NAGPA: variants seen among roughly 807,000 people sequenced by gnomAD.
NAGPA encodes alpha-N-acetylglucosaminyl phosphodiesterase.
A neutral mutation model predicts 48.5 loss-of-function variants in NAGPA; 56 were observed. The ratio of observed to expected loss-of-function variants is 1.15; its 90% CI spans 0.93 to 1.44. NAGPA has a LOEUF of 1.44. Ranked by LOEUF, NAGPA falls within the 40% of genes most tolerant of loss-of-function variation. The probability of loss-of-function intolerance (pLI) is 0.00; values close to 1 mark genes in which losing one functional copy is unlikely to be tolerated. For synonymous variants in NAGPA, 399 were observed against 315.5 expected (o/e 1.26, Z -2.81); for missense variants, 888 against 735.0 (o/e 1.21, Z -2.41).
intron 7 of NAGPA, among the ~76,000 whole-genome samples, 188 bp downstream of exon 7, chr16:5,027,658 G>A (rs951123443): frequency 4.6e-5 from 7 of 152,270 alleles, no homozygotes; most frequent in Non-Finnish European, 7.4e-5. Flanking sequence ...TGTTTTAGCC[G>A]AGCCCTTTGT....
At position 5,033,179 on chromosome 16, in the gene NAGPA, C is replaced by T; in HGVS notation, c.542+94G>A. On this transcript the variant is annotated intron_variant, in intron 2 of 9. Transcript: ENST00000312251. The surrounding 1 kb of genome is among the most constrained non-coding windows in gnomAD (Gnocchi z 4.2). ...TTCTGCAGAGGAGGAAACAGGGGCTCAGCTTGGTTAAGTGACTTGAACACG... is the reference window on the plus strand; with the variant it reads ...TTCTGCAGAGGAGGAAACAGGGGCTTAGCTTGGTTAAGTGACTTGAACACG... 1 of 1,415,686 alleles carries T rather than the reference C, an allele frequency of 7.1e-7. No homozygotes were observed. The highest frequency in any genetic ancestry group is 9.6e-7 in the Non-Finnish European group (1 of 1,039,384). The allele number at this position is 1,415,686 out of a possible 1,614,324, so 87.7% of individuals were successfully genotyped here. A position where few individuals can be genotyped will look rare whatever the true frequency, so the allele number is the denominator to read the frequency against.
In NAGPA at chr16:5,033,761, C is replaced by T; in HGVS notation, c.87-33G>A. 6.3e-7 allele frequency: 1 copy of T among 1,592,228 alleles called. No individual in the cohort carries two copies. The highest frequency in any genetic ancestry group is 8.5e-7 in the Non-Finnish European group (1 of 1,170,702). ...GACGGGCGGCCGTGAGCTCAGGGGG[C>T]TGTCCTCGTGAGCTCGGAGGACAGG... On this transcript the variant is annotated intron_variant, in intron 1 of 9. Transcript: ENST00000312251. This position sits in a 1 kb window ranked among gnomAD's most constrained non-coding sequence, Gnocchi z 4.2.
chr16:5,027,320 A>G lies in NAGPA; in HGVS notation c.1234T>C (p.Cys412Arg). The change falls in exon 8 of 10, where the codon TGT becomes CGT. Residue 412 changes from cysteine (C) to arginine (R), a missense_variant. Cys to Arg is a radical substitution (Grantham distance 180). Coordinates refer to ENST00000312251, the MANE Select transcript of NAGPA (RefSeq NM_016256.4). ...TTGCCAGTCTTGGGGTCACAGGGACAATGGTGCTCACACTTACAAGGCCTC... is the reference window on the plus strand; with the variant it reads ...TTGCCAGTCTTGGGGTCACAGGGACGATGGTGCTCACACTTACAAGGCCTC... ...CQRPCKCEHH[C>R]PCDPKTGNCS... is the part of the protein sequence containing the mutation. 6.2e-7 allele frequency: 1 copy of G among 1,614,188 alleles called. No homozygotes were observed. Among genetic ancestry groups the G allele is most frequent in the Non-Finnish European group, 8.5e-7 (1 of 1,180,020 alleles).
Position 5,030,480 on chromosome 16 carries a change from T to C in NAGPA, c.696A>G (p.Lys232=), listed in dbSNP as rs1372131223. The change falls in exon 4 of 10, where the codon AAA becomes AAG. Residue 232 remains lysine, a synonymous_variant. Transcript: ENST00000312251. ...DETQETGSFS[K]FVNVISARTA... is the part of the protein sequence containing the mutation. ...TCCTGGCTGATATCACATTCACAAA[T>C]TTGCTAAAGGAACCTGAAGGAAAAG... 2 of 1,553,340 alleles carry C rather than the reference T, an allele frequency of 1.3e-6. No homozygotes were observed. The highest frequency in any genetic ancestry group is 1.7e-6 in the Non-Finnish European group (2 of 1,147,858).
At chr16:5,030,300 G>A (rs1956076332) in intron 4 of NAGPA, 85 bp downstream of exon 4, 2 of 1,244,462 alleles carry the variant, frequency 1.6e-6, no homozygotes, top group Non-Finnish European at 2.3e-6. Context: ...AAAGCAGGTA[G>A]AGTCAGAGGG....
At chr16:5,032,495 C>T (rs1357917795) in intron 2 of NAGPA, among the ~76,000 whole-genome samples, 2 of 150,360 alleles carry the variant, frequency 1.3e-5, no homozygotes, top group Non-Finnish European at 3.0e-5. Context: ...TCCCCCGTTC[C>T]CCACCCCATC....
chr16:5,030,059 A>C, intron 4 of NAGPA: 1 of 475,712 alleles, frequency 2.1e-6, no homozygotes, highest in Non-Finnish European at 3.9e-6. Flanking sequence ...GGACTTGTCT[A>C]CGGCATAGGT....
chr16:5,032,194 C>T (rs1347491423), intron 2 of NAGPA, among the ~76,000 whole-genome samples: 1 of 152,182 alleles, frequency 6.6e-6, no homozygotes, highest in African/African-American at 2.4e-5. Context: ...CCAGGCCATA[C>T]CCAGCCCAAC....
In NAGPA at chr16:5,025,359, C is replaced by T; in HGVS notation, c.*119G>A. Reference sequence around the variant, plus strand: ...CAAGTGCTATCAGGAACTTGGCTGCCCCACAGGGGCTGAGGACACCCAGAT... The same window carrying T: ...CAAGTGCTATCAGGAACTTGGCTGCTCCACAGGGGCTGAGGACACCCAGAT... On this transcript the variant is annotated 3_prime_UTR_variant, in exon 10 of 10. Transcript: ENST00000312251. The T allele has an allele frequency of 7.9e-7, 1 of 1,264,954 alleles. No individual in the cohort carries two copies. The highest frequency in any genetic ancestry group is 1.1e-6 in the Non-Finnish European group (1 of 902,988). 78.4% of individuals were successfully genotyped at this position (1,264,954 alleles called of 1,614,324 possible). A position where few individuals can be genotyped will look rare whatever the true frequency, so the allele number is the denominator to read the frequency against.
chr16:5,027,110 C>A, intron 9 of NAGPA, 25 bp downstream of exon 9: 3 of 1,613,646 alleles, frequency 1.9e-6, no homozygotes, highest in Non-Finnish European at 2.5e-6. Context: ...CCCGCCCTGG[C>A]CCCAGCTCCC....
intron 5 of NAGPA, 139 bp downstream of exon 5, chr16:5,028,741 G>A: frequency 7.4e-7 from 1 of 1,359,888 alleles, no homozygotes; most frequent in South Asian, 1.2e-5. Flanking sequence ...CTGGCATCCT[G>A]GGGGAGGGAC....
chr16:5,028,423 A>G (rs1158966888), intron 5 of NAGPA: 2 of 820,070 alleles, frequency 2.4e-6, no homozygotes, highest in African/African-American at 1.7e-5. Context: ...TTTTTTCATA[A>G]AGACAGGGTC....
In NAGPA at chr16:5,033,570, A is replaced by T; in HGVS notation, c.245T>A (p.Val82Glu). ...GAGGLAVRTFVSHFRDRAVAG... is the reference protein window; with the variant it reads ...GAGGLAVRTFESHFRDRAVAG... Reference sequence around the variant, plus strand: ...CACCGCGCGGTCCCTGAAGTGCGACACGAAGGTGCGCACGGCCAGACCGCC... The same window carrying T: ...CACCGCGCGGTCCCTGAAGTGCGACTCGAAGGTGCGCACGGCCAGACCGCC... The change falls in exon 2 of 10, where the codon GTG becomes GAG. Residue 82 changes from valine to glutamate, a missense_variant. Val to Glu is a moderately radical substitution (Grantham distance 121). Transcript: ENST00000312251. This position sits in a 1 kb window ranked among gnomAD's most constrained non-coding sequence, Gnocchi z 4.2. 6.7e-7 allele frequency: 1 copy of T among 1,501,132 alleles called. No individual in the cohort carries two copies. Among genetic ancestry groups the T allele is most frequent in the Non-Finnish European group, 8.8e-7 (1 of 1,134,654 alleles). The allele number at this position is 1,501,132 out of a possible 1,614,324, so 93.0% of individuals were successfully genotyped here. A position where few individuals can be genotyped will look rare whatever the true frequency, so the allele number is the denominator to read the frequency against.
Position 5,027,259 on chromosome 16 carries a change from C to G in NAGPA, c.1276+19G>C. On this transcript the variant is annotated intron_variant, in intron 8 of 9. Transcript: ENST00000312251. ...GCAGGAGCGTCTGCCCATACCCCTC[C>G]CCTTGGAGGGATAGGTACCTCTGGA... The G allele has an allele frequency of 1.2e-6, 2 of 1,614,182 alleles. No individual in the cohort carries two copies. Among genetic ancestry groups the G allele is most frequent in the South Asian group, 2.2e-5 (2 of 91,082 alleles).
rs1050068596 is a variant in NAGPA, at chr16:5,025,361, C to A, written c.*117G>T. On this transcript the variant is annotated 3_prime_UTR_variant, in exon 10 of 10. Transcript: ENST00000312251. ...AGTGCTATCAGGAACTTGGCTGCCC[C>A]ACAGGGGCTGAGGACACCCAGATGG... 3.1e-6 allele frequency: 4 copies of A among 1,297,074 alleles called. No individual in the cohort carries two copies. The African/African-American group carries it at 4.4e-5, about 14-fold the overall frequency. 80.3% of individuals were successfully genotyped at this position (1,297,074 alleles called of 1,614,324 possible).
At chr16:5,029,336 AGGG>A (rs1409013112) in intron 4 of NAGPA, 1 of 364,956 alleles carries the variant, frequency 2.7e-6, no homozygotes, top group African/African-American at 2.6e-5. Context: ...TTGAAATACG[AGGG>A]GGATGAGAGG....
rs563302941 is a variant in NAGPA at position 5,030,219 on chromosome 16, C to T, written c.791+166G>A. ...ATGAGTTCTTGGAATCGGCAAAGAT[C>T]TCAGAACCCTCATCCTGTGGGAAGG... On this transcript the variant is annotated intron_variant, in intron 4 of 9. Transcript: ENST00000312251. 124 of 674,336 alleles carry T rather than the reference C, an allele frequency of 1.8e-4. No homozygotes were observed. In the African/African-American group the frequency reaches 1.9e-3, roughly 10 times the overall value. 41.8% of individuals were successfully genotyped at this position (674,336 alleles called of 1,614,324 possible). A position where few individuals can be genotyped will look rare whatever the true frequency, so the allele number is the denominator to read the frequency against.
chr16:5,025,952 A>G (rs1955992639), intron 9 of NAGPA, among the ~76,000 whole-genome samples: 2 of 149,398 alleles, frequency 1.3e-5, no homozygotes, highest in African/African-American at 4.9e-5. Flanking sequence ...TTTTTGAGAC[A>G]GAGTCTCGCC....
Position 5,031,763 on chromosome 16 carries a change from C to T in NAGPA, c.664G>A (p.Asp222Asn). 1 of 1,614,178 alleles carries T rather than the reference C, an allele frequency of 6.2e-7. No individual in the cohort carries two copies. The highest frequency in any genetic ancestry group is 1.1e-5 in the South Asian group (1 of 91,088). Residue 222 changes from aspartate (D) to asparagine (N), a missense_variant, in exon 3 of 10, where the codon GAC becomes AAC. Asp to Asn is a conservative substitution (Grantham distance 23, BLOSUM62 1). Coordinates refer to ENST00000312251, the MANE Select transcript of NAGPA (RefSeq NM_016256.4). ...ATCCAACCTGTCTCCTGTGTCTCGT[C>T]ACACTCTGTGGCTTGGCTCTCGTTG... ...YINESQATEC[D>N]ETQETGSFSK...
Sources: allele counts gnomAD v4.1 joint callset (sites outside exome capture counted in the v4.1 genomes callset), GRCh38; gene constraint gnomAD v4.1.1; non-coding constraint Gnocchi (gnomAD v3.1); transcripts MANE v1.5; gene names NCBI Gene and HGNC (gene_info 2026-07-23, HGNC 2026-07-21).